PRKD3: variants seen among roughly 807,000 people sequenced by gnomAD.
PRKD3 encodes the protein serine/threonine-protein kinase D3.
In PRKD3, 47 loss-of-function variants were observed where a neutral mutation model predicts 99.2. The ratio of observed to expected loss-of-function variants is 0.47; its 90% CI spans 0.38 to 0.60. PRKD3 has a LOEUF of 0.60. Ranked by LOEUF, PRKD3 falls within the 20% of genes least tolerant of loss-of-function variation. The pLI, the probability that PRKD3 is intolerant of heterozygous loss-of-function variation, is 0.00. For synonymous variants in PRKD3, 392 were observed against 355.4 expected (o/e 1.10, Z -1.16); for missense variants, 1,019 against 1,088.4 (o/e 0.94, Z 0.90).
intron 1 of PRKD3, among the ~76,000 whole-genome samples, chr2:37,320,702 G>C (rs1300336186): frequency 1.3e-5 from 2 of 152,046 alleles, no homozygotes; most frequent in Non-Finnish European, 2.9e-5. Flanking sequence ...AAAGTGCTGG[G>C]ATTACAGGCG....
At chr2:37,277,645 T>C (rs974104638) in intron 9 of PRKD3, among the ~76,000 whole-genome samples, 2 of 152,236 alleles carry the variant, frequency 1.3e-5, no homozygotes, top group African/African-American at 4.8e-5. Context: ...CCTTTTTGAA[T>C]ATTGACTGCT....
intron 2 of PRKD3, among the ~76,000 whole-genome samples, chr2:37,308,156 TTTC>T (rs1671245697): frequency 6.6e-6 from 1 of 152,240 alleles, no homozygotes; most frequent in South Asian, 2.1e-4. Flanking sequence ...GAGATCAGTT[TTTC>T]TTACCAATAC....
chr2:37,280,273 G>C (rs966113662), intron 7 of PRKD3, among the ~76,000 whole-genome samples: 3 of 152,086 alleles, frequency 2.0e-5, no homozygotes, highest in Admixed American at 6.5e-5. Flanking sequence ...TCGAACTCCT[G>C]ACCTCAGGGG....
At chr2:37,304,752 A>G (rs1671083276) in intron 2 of PRKD3, among the ~76,000 whole-genome samples, 1 of 150,820 alleles carries the variant, frequency 6.6e-6, no homozygotes, top group South Asian at 2.1e-4. Flanking sequence ...AAAAAAAAAG[A>G]AAAAGAAAAG....
At chr2:37,291,117 C>T (rs1419897795) in intron 3 of PRKD3, 118 bp from the exon 4 acceptor site, 3 of 933,322 alleles carry the variant, frequency 3.2e-6, no homozygotes, top group South Asian at 2.5e-5. Flanking sequence ...GAAAGTTGCA[C>T]TGGACCATAA....
chr2:37,318,304 T>C (rs906792951), intron 1 of PRKD3, among the ~76,000 whole-genome samples: 3 of 152,232 alleles, frequency 2.0e-5, no homozygotes, highest in African/African-American at 7.2e-5. Flanking sequence ...TCTTATATAA[T>C]GTACAACACT....
intron 18 of PRKD3, 94 bp from the exon 19 acceptor site, chr2:37,253,444 G>A (rs1047800471): frequency 4.7e-6 from 5 of 1,055,962 alleles, no homozygotes; most frequent in African/African-American, 3.2e-5. Flanking sequence ...GTTGTTTAGT[G>A]CCCTAGTCAA....
rs547511671 is a variant in PRKD3 at position 37,251,404 on chromosome 2, C to T, written c.*1773G>A. 7 of 152,626 alleles carry T rather than the reference C, an allele frequency of 4.6e-5. No homozygotes were observed. The highest frequency in any genetic ancestry group is 8.8e-5 in the Non-Finnish European group (6 of 68,016). 9.5% of individuals were successfully genotyped at this position (152,626 alleles called of 1,614,324 possible). On this transcript the variant is annotated 3_prime_UTR_variant, in exon 19 of 19. Transcript: ENST00000234179. ...AAATTTGGCAGTAAGTTAATCTCCC[C>T]TTGCCTCAGTTTTCTTATCTTTAAG...
At chr2:37,255,401 T>C (rs1667853923) in intron 17 of PRKD3, among the ~76,000 whole-genome samples, 1 of 152,190 alleles carries the variant, frequency 6.6e-6, no homozygotes, top group Non-Finnish European at 1.5e-5. Flanking sequence ...TATGGGGCAG[T>C]TAAATAATGT....
In PRKD3 at chr2:37,250,698, C is replaced by A. The variant is rs1330691982; in HGVS notation, c.*2479G>T. On this transcript the variant is annotated 3_prime_UTR_variant, in exon 19 of 19. Coordinates refer to ENST00000234179, the MANE Select transcript of PRKD3 (RefSeq NM_005813.6). ...TACTAGAAATAGGCTCAGGTTTTCACATGGAAAAGTATGGTGATAGGAAAT... is the reference window on the plus strand; with the variant it reads ...TACTAGAAATAGGCTCAGGTTTTCAAATGGAAAAGTATGGTGATAGGAAAT... The A allele has an allele frequency of 6.6e-6, 1 of 152,064 alleles. No homozygotes were observed. The highest frequency in any genetic ancestry group is 1.5e-5 in the Non-Finnish European group (1 of 68,002). The allele number at this position is 152,064 out of a possible 1,614,324, so 9.4% of individuals were successfully genotyped here. A position where few individuals can be genotyped will look rare whatever the true frequency, so the allele number is the denominator to read the frequency against.
At position 37,289,451 on chromosome 2, in the gene PRKD3, T is replaced by TG. The variant is rs1442371583; in HGVS notation, c.621_622insC (p.Arg208GlnfsTer24). The TG allele has an allele frequency of 6.2e-7, 1 of 1,613,878 alleles. No homozygotes were observed. On this transcript the variant is annotated frameshift_variant, in exon 5 of 19. Coordinates refer to ENST00000234179, the MANE Select transcript of PRKD3 (RefSeq NM_005813.6). LOFTEE classifies it high-confidence loss of function. ...GATACATTTGACAGACGTCTCTTTC[T>TG]TACTCCACTACAGTTATTTGGAATC...
intron 1 of PRKD3, chr2:37,324,224 T>G: frequency 5.1e-6 from 5 of 985,236 alleles, no homozygotes; most frequent in Non-Finnish European, 6.0e-6. Context: ...CAACGCAAAG[T>G]GAGGAAATGA....
At chr2:37,292,584 G>A (rs1375140506) in intron 3 of PRKD3, among the ~76,000 whole-genome samples, 1 of 152,072 alleles carries the variant, frequency 6.6e-6, no homozygotes, top group South Asian at 2.1e-4. Flanking sequence ...CTGACCTCGT[G>A]ATCCGCCCGC....
chr2:37,275,748 T>TA lies in PRKD3; in HGVS notation c.1374+18dup. The TA allele has an allele frequency of 6.3e-7, 1 of 1,581,588 alleles. No individual in the cohort carries two copies. Among genetic ancestry groups the TA allele is most frequent in the Non-Finnish European group, 8.6e-7 (1 of 1,168,166 alleles). On this transcript the variant is annotated intron_variant, in intron 10 of 18. Transcript: ENST00000234179. ...ACACTATCTTAATGCTTATATTTTT[T>TA]AAAGTGTAAAATCCTTACCTTATAA...
intron 14 of PRKD3, among the ~76,000 whole-genome samples, chr2:37,263,203 G>T (rs960358871): frequency 1.3e-5 from 2 of 152,050 alleles, no homozygotes; most frequent in African/African-American, 4.8e-5. Context: ...GTACAAAGGC[G>T]CTGATATATA....
intron 14 of PRKD3, among the ~76,000 whole-genome samples, chr2:37,263,016 C>T (rs2148505032): frequency 6.6e-6 from 1 of 151,882 alleles, no homozygotes; most frequent in South Asian, 2.1e-4. Context: ...CAGCTTTTGG[C>T]TTTATTATTT....
At chr2:37,254,741 C>G (rs1252850176) in intron 17 of PRKD3, among the ~76,000 whole-genome samples, 1 of 152,186 alleles carries the variant, frequency 6.6e-6, no homozygotes, top group African/African-American at 2.4e-5. Flanking sequence ...CTCCCCACCC[C>G]GCTCCAATGC....
chr2:37,300,323 A>G (rs6754750), intron 2 of PRKD3, among the ~76,000 whole-genome samples: 6,792 of 152,288 alleles, frequency 0.045, 165 homozygotes, highest in African/African-American at 0.051. Flanking sequence ...ATTTAAAAAA[A>G]AAATGACCTC....
chr2:37,302,730 T>C (rs1349953015), intron 2 of PRKD3, among the ~76,000 whole-genome samples: 1 of 152,188 alleles, frequency 6.6e-6, no homozygotes, highest in African/African-American at 2.4e-5. Flanking sequence ...TTTTAATTTT[T>C]TTTTTTAGAC....
Sources: allele counts gnomAD v4.1 joint callset (sites outside exome capture counted in the v4.1 genomes callset), GRCh38; gene constraint gnomAD v4.1.1; transcripts MANE v1.5; gene names NCBI Gene and HGNC (gene_info 2026-07-23, HGNC 2026-07-21).